The following KIAA1217 variants were observed in gnomAD, a reference collection of about 807,000 sequenced individuals.
KIAA1217 encodes the protein sickle tail protein homolog.
KIAA1217 carries 88 observed loss-of-function variants against 163.9 expected under a neutral mutation model. That is an observed-to-expected ratio of 0.54 (90% CI 0.45 to 0.64). The LOEUF (loss-of-function observed/expected upper bound fraction) is 0.64. KIAA1217 is among the 30% of genes least tolerant of loss of function. The pLI is 0.00. For missense variants in KIAA1217, 2,372 were observed against 2,475.0 expected (o/e 0.96, Z 0.88); for synonymous variants, 903 against 923.1 (o/e 0.98, Z 0.39).
chr10:24,544,559 C>A, intron 19 of KIAA1217, 78 bp downstream of exon 19: 2 of 1,470,100 alleles, frequency 1.4e-6, no homozygotes, highest in Non-Finnish European at 1.8e-6. Context: ...TGAAAGGTGT[C>A]TTGTAACTTA....
At chr10:24,251,850 A>G (rs1335102189) in intron 2 of KIAA1217, among the ~76,000 whole-genome samples, 3 of 119,442 alleles carry the variant, frequency 2.5e-5, no homozygotes, top group Non-Finnish European at 3.4e-5. Flanking sequence ...AAGCTTCTGC[A>G]TCTGTTAAAA....
intron 3 of KIAA1217, among the ~76,000 whole-genome samples, chr10:24,387,128 T>G (rs899405916): frequency 2.0e-5 from 3 of 152,166 alleles, no homozygotes; most frequent in African/African-American, 7.2e-5. Flanking sequence ...CCAATATCCC[T>G]GATGAACATT....
intron 2 of KIAA1217, chr10:24,158,139 G>T: frequency 1.3e-6 from 1 of 753,222 alleles, no homozygotes; most frequent in African/African-American, 1.7e-5. Flanking sequence ...CTGGGATTTG[G>T]ATCAACACCT....
At chr10:24,022,562 C>T (rs987720851) in intron 2 of KIAA1217, among the ~76,000 whole-genome samples, 10 of 151,614 alleles carry the variant, frequency 6.6e-5, no homozygotes, top group African/African-American at 2.4e-4. Flanking sequence ...AATTCCTTAC[C>T]AAGTTAAACA....
intron 2 of KIAA1217, among the ~76,000 whole-genome samples, chr10:24,137,351 C>T (rs781524545): frequency 6.6e-6 from 1 of 152,210 alleles, no homozygotes; most frequent in African/African-American, 2.4e-5. Flanking sequence ...CTGCTCCAAG[C>T]CAAATGCCAG....
At chr10:23,887,161 TATAAGA>T (rs1335153258) in intron 1 of KIAA1217, among the ~76,000 whole-genome samples, 3 of 151,880 alleles carry the variant, frequency 2.0e-5, no homozygotes, top group African/African-American at 7.2e-5. Context: ...TTTCCCAAAT[TATAAGA>T]AGTAAAAGGA....
At chr10:24,348,651 C>T (rs1163143755) in intron 2 of KIAA1217, among the ~76,000 whole-genome samples, 4 of 152,072 alleles carry the variant, frequency 2.6e-5, no homozygotes. Context: ...GAAATGTATA[C>T]ATATCAGGCA....
At chr10:24,074,179 T>G (rs113681073) in intron 2 of KIAA1217, among the ~76,000 whole-genome samples, 91 of 152,200 alleles carry the variant, frequency 6.0e-4, no homozygotes, top group Non-Finnish European at 1.1e-3. Flanking sequence ...TGAAACACCA[T>G]CTCTACTAAA....
intron 1 of KIAA1217, among the ~76,000 whole-genome samples, chr10:23,821,590 GT>G (rs1837623553): frequency 6.6e-6 from 1 of 152,180 alleles, no homozygotes; most frequent in Non-Finnish European, 1.5e-5. Context: ...TTAATAGCCA[GT>G]TTCTTGGATT....
intron 3 of KIAA1217, among the ~76,000 whole-genome samples, chr10:24,427,224 C>G (rs2131662952): frequency 6.6e-6 from 1 of 152,050 alleles, no homozygotes; most frequent in South Asian, 2.1e-4. Flanking sequence ...CACCCCCATC[C>G]AGCATGTGGA....
At chr10:23,896,765 TC>T (rs553467613) in intron 1 of KIAA1217, among the ~76,000 whole-genome samples, 104 of 152,168 alleles carry the variant, frequency 6.8e-4, no homozygotes, top group African/African-American at 2.3e-3. Flanking sequence ...TGAGATGTTT[TC>T]CATTATCAGT....
At chr10:24,031,858 C>A (rs555574616) in intron 2 of KIAA1217, among the ~76,000 whole-genome samples, 14 of 152,266 alleles carry the variant, frequency 9.2e-5, no homozygotes, top group Admixed American at 8.5e-4. Context: ...CAAGCTCCAT[C>A]AAAAGTTAAT....
At chr10:24,175,649 A>C (rs549104166) in intron 2 of KIAA1217, among the ~76,000 whole-genome samples, 3 of 152,116 alleles carry the variant, frequency 2.0e-5, no homozygotes, top group Non-Finnish European at 2.9e-5. Flanking sequence ...TGAGTGTTAC[A>C]GTCCTTAAAG....
upstream of KIAA1217, among the ~76,000 whole-genome samples, chr10:24,205,115 A>T (rs2067473596): frequency 6.6e-6 from 1 of 152,032 alleles, no homozygotes; most frequent in Non-Finnish European, 1.5e-5. Flanking sequence ...GTATCAGGGC[A>T]ATTCCACTTA....
chr10:23,739,403 G>A (rs1700255653), intron 1 of KIAA1217, among the ~76,000 whole-genome samples: 1 of 152,110 alleles, frequency 6.6e-6, no homozygotes, highest in South Asian at 2.1e-4. Flanking sequence ...TTTTAAAAAA[G>A]TAGATAAAGA....
At chr10:24,078,366 C>A (rs986788301) in intron 2 of KIAA1217, among the ~76,000 whole-genome samples, 2 of 152,140 alleles carry the variant, frequency 1.3e-5, no homozygotes, top group Non-Finnish European at 2.9e-5. Flanking sequence ...GGAGAAAGAA[C>A]GTGCAGCTGA....
chr10:23,769,517 G>A (rs535524958), intron 1 of KIAA1217, among the ~76,000 whole-genome samples: 1 of 152,258 alleles, frequency 6.6e-6, no homozygotes, highest in South Asian at 2.1e-4. Context: ...GGCAAGAAGC[G>A]GGTTTGTTTT....
intron 2 of KIAA1217, among the ~76,000 whole-genome samples, chr10:24,158,956 G>A (rs2131879807): frequency 6.6e-6 from 1 of 152,152 alleles, no homozygotes; most frequent in East Asian, 1.9e-4. Flanking sequence ...TCACACTTTA[G>A]AAGATGCTTG....
At chr10:23,694,738 G>C (rs1835919058), upstream of KIAA1217, 1 of 152,680 alleles carries the variant, frequency 6.5e-6, no homozygotes, top group Non-Finnish European at 1.5e-5. Flanking sequence ...GTCCAGAAGA[G>C]AGCGGCTGGA....
Sources: allele counts gnomAD v4.1 joint callset (sites outside exome capture counted in the v4.1 genomes callset), GRCh38; gene constraint gnomAD v4.1.1; transcripts MANE v1.5; gene names NCBI Gene and HGNC (gene_info 2026-07-23, HGNC 2026-07-21).